Variants in DIAPH2 observed in about 807,000 individuals in gnomAD.
DIAPH2 encodes the protein protein diaphanous homolog 2.
DIAPH2 carries 35 observed loss-of-function variants against 92.7 expected under a neutral mutation model. That is an observed-to-expected ratio of 0.38 (90% CI 0.29 to 0.50). The LOEUF (loss-of-function observed/expected upper bound fraction) is 0.50. Ranked by LOEUF, DIAPH2 falls within the 20% of genes least tolerant of loss-of-function variation. The probability of loss-of-function intolerance (pLI) is 0.94; values close to 1 mark genes in which losing one functional copy is unlikely to be tolerated. For synonymous variants in DIAPH2, 301 were observed against 280.4 expected (o/e 1.07, Z -0.73); for missense variants, 701 against 819.5 (o/e 0.86, Z 1.77).
chrX:97,555,864 C>T (rs2071253268), intron 26 of DIAPH2, among the ~76,000 whole-genome samples: 1 of 111,723 alleles, frequency 9.0e-6, no homozygotes, highest in African/African-American at 3.3e-5. Context: ...ATTTTTGTTA[C>T]AAACTTACCC....
chrX:96,944,844 T>A (rs1382176672), intron 13 of DIAPH2, among the ~76,000 whole-genome samples: 1 of 111,512 alleles, frequency 9.0e-6, no homozygotes, highest in Non-Finnish European at 1.9e-5. Flanking sequence ...CTGCTGTGAA[T>A]ATTCACATAA....
chrX:97,173,402 AAAT>A (rs746358899), intron 22 of DIAPH2, among the ~76,000 whole-genome samples: 2 of 111,621 alleles, frequency 1.8e-5, no homozygotes, highest in African/African-American at 6.5e-5. Flanking sequence ...CCCAGTCTCA[AAAT>A]AATAATAATA....
intron 26 of DIAPH2, among the ~76,000 whole-genome samples, chrX:97,579,599 T>C (rs1185609462): frequency 9.1e-6 from 1 of 110,247 alleles, no homozygotes; most frequent in African/African-American, 3.4e-5. Context: ...AGTCAGGTAG[T>C]GTGTTGCCTC....
chrX:97,217,772 C>T (rs889382804), intron 22 of DIAPH2, among the ~76,000 whole-genome samples: 2 of 110,128 alleles, frequency 1.8e-5, no homozygotes, highest in Non-Finnish European at 3.8e-5. Flanking sequence ...ATAGTGAAAC[C>T]CCGTCTCTAC....
At chrX:97,528,314 T>C (rs180731962) in intron 26 of DIAPH2, 1 of 112,351 alleles carries the variant, frequency 8.9e-6, no homozygotes, top group African/African-American at 3.2e-5. Context: ...TTGTCTTCAG[T>C]TGTGTCTTAA....
chrX:96,801,242 T>C, intron 4 of DIAPH2, among the ~76,000 whole-genome samples: 1 of 112,357 alleles, frequency 8.9e-6, no homozygotes, highest in Non-Finnish European at 1.9e-5. Flanking sequence ...AGAACTTTGC[T>C]ACAGCAAGCA....
At chrX:97,214,192 A>G (rs1428866834) in intron 22 of DIAPH2, among the ~76,000 whole-genome samples, 3 of 112,726 alleles carry the variant, frequency 2.7e-5, no homozygotes, top group Non-Finnish European at 1.9e-5. Context: ...TCAAACTTAT[A>G]TAATTGTCTA....
At chrX:96,869,938 C>T (rs1419128146) in intron 4 of DIAPH2, among the ~76,000 whole-genome samples, 2 of 110,646 alleles carry the variant, frequency 1.8e-5, no homozygotes, top group East Asian at 2.9e-4. Flanking sequence ...TAAATTCATA[C>T]AGCTATTAAG....
chrX:96,837,423 CTCTCTCTCTCTG>C (rs1228127134), intron 4 of DIAPH2, among the ~76,000 whole-genome samples: 53 of 70,786 alleles, frequency 7.5e-4, no homozygotes, highest in African/African-American at 3.0e-3. Flanking sequence ...CTCTCTCTCT[CTCTCTCTCTCTG>C]TGTGTGTGTG....
In DIAPH2 at chrX:97,388,361, A is replaced by T. The variant is rs773946437; in HGVS notation, c.3145+4317A>T. Among the ~76,000 whole-genome samples, 3 of 111,340 alleles carry T rather than the reference A, an allele frequency of 2.7e-5. No individual in the cohort carries two copies. The Admixed American group carries it at 2.9e-4, about 11-fold the overall frequency. On this transcript the variant is annotated intron_variant, in intron 25 of 26. Transcript: ENST00000324765. ...TTAAAGGCCCACCCTACTTTATTTT[A>T]TTTCTTTAGAGATGGAGTCTCACTC...
intron 21 of DIAPH2, among the ~76,000 whole-genome samples, chrX:97,137,682 A>G (rs1188859302): frequency 9.0e-6 from 1 of 111,090 alleles, no homozygotes; most frequent in East Asian, 2.8e-4. Flanking sequence ...GCAAAAGCAC[A>G]GTGGCATGAA....
intron 17 of DIAPH2, among the ~76,000 whole-genome samples, chrX:97,005,570 A>T (rs886443549): frequency 2.1e-4 from 23 of 111,043 alleles, no homozygotes; most frequent in African/African-American, 3.0e-4. Context: ...ACGGAGTCTC[A>T]CTTCTGTTGC....
intron 3 of DIAPH2, among the ~76,000 whole-genome samples, chrX:96,749,511 G>C (rs779111624): frequency 3.6e-5 from 4 of 110,552 alleles, no homozygotes; most frequent in Non-Finnish European, 7.6e-5. Context: ...GGTCCAAATC[G>C]AACAAATGCA....
chrX:97,263,097 T>C (rs983641728), intron 23 of DIAPH2, among the ~76,000 whole-genome samples: 1 of 112,444 alleles, frequency 8.9e-6, no homozygotes, highest in Non-Finnish European at 1.9e-5. Flanking sequence ...AAGTATTTTA[T>C]TGAGAAAATG....
At chrX:96,938,911 T>C (rs2065675214) in intron 11 of DIAPH2, among the ~76,000 whole-genome samples, 1 of 111,702 alleles carries the variant, frequency 9.0e-6, no homozygotes, top group African/African-American at 3.3e-5. Context: ...ATAATATAGG[T>C]CCTCTATCAC....
At chrX:97,010,981 A>C (rs889507454) in intron 17 of DIAPH2, among the ~76,000 whole-genome samples, 7 of 112,124 alleles carry the variant, frequency 6.2e-5, no homozygotes, top group Non-Finnish European at 1.3e-4. Flanking sequence ...CTAAATCTTT[A>C]TATCTTTCAA....
chrX:97,584,543 T>C (rs1289473261), intron 26 of DIAPH2, among the ~76,000 whole-genome samples: 1 of 112,141 alleles, frequency 8.9e-6, no homozygotes, highest in East Asian at 2.8e-4. Context: ...TCATTACAAA[T>C]GCAGAACATC....
At chrX:97,065,137 G>A (rs914487076) in intron 17 of DIAPH2, among the ~76,000 whole-genome samples, 2 of 111,378 alleles carry the variant, frequency 1.8e-5, no homozygotes, top group Non-Finnish European at 3.8e-5. Context: ...GATGCACTTA[G>A]CTCTTGGAGT....
chrX:97,224,114 G>C (rs946548902), intron 22 of DIAPH2, among the ~76,000 whole-genome samples: 16 of 111,449 alleles, frequency 1.4e-4, no homozygotes, highest in Non-Finnish European at 2.8e-4. Flanking sequence ...AACATTTCAC[G>C]GTTTTTCAAT....
Sources: allele counts gnomAD v4.1 joint callset (sites outside exome capture counted in the v4.1 genomes callset), GRCh38; gene constraint gnomAD v4.1.1; transcripts MANE v1.5; gene names NCBI Gene and HGNC (gene_info 2026-07-23, HGNC 2026-07-21).